LRIG1: variants seen among roughly 807,000 people sequenced by gnomAD.
LRIG1 encodes leucine rich repeats and immunoglobulin like domains 1, also known as leucine-rich repeats and immunoglobulin-like domains protein 1.
Under a neutral mutation model 99.2 loss-of-function variants are expected in LRIG1, and 48 were observed. The ratio of observed to expected loss-of-function variants is 0.48; its 90% confidence interval spans 0.38 to 0.62. The LOEUF (loss-of-function observed/expected upper bound fraction) is 0.62, where lower values mean the gene tolerates loss of function less well. LRIG1 is among the 20% of genes least tolerant of loss of function. The pLI is 0.00. For synonymous variants in LRIG1, 772 were observed against 596.1 expected (o/e 1.29, Z -4.30); for missense variants, 1,646 against 1,434.4 (o/e 1.15, Z -2.38).
rs1020498082 is a variant in LRIG1, at chr3:66,401,771, G to A, written c.1161-2730C>T. 1.3e-5 allele frequency: 11 copies of A among 828,052 alleles called. No homozygotes were observed. The African/African-American group carries it at 1.9e-4, about 14-fold the overall frequency. 51.3% of individuals were successfully genotyped at this position (828,052 alleles called of 1,614,324 possible). ...GGGCTCCCTTTCAGAAGGAACACCT[G>A]GCCTGACCTCCCCAGCACCAACCTG... On this transcript the variant is annotated intron_variant, in intron 9 of 18. Coordinates refer to ENST00000273261, the MANE Select transcript of LRIG1 (RefSeq NM_015541.3).
In LRIG1 at chr3:66,394,179, C is replaced by A; in HGVS notation, c.1329G>T (p.Leu443=). Residue 443 remains leucine (L), a synonymous_variant, in exon 12 of 19, where the codon CTG becomes CTT. Coordinates refer to ENST00000273261, the MANE Select transcript of LRIG1 (RefSeq NM_015541.3). The stretch of plus-strand genomic sequence containing the variant: ...GCAGCCACTTCAGCTGGCAGTCACA[C>A]AGGAAGCTGTCGCTGCTGATATGGC... ...KELHISSDSF[L]CDCQLKWLPP... is the part of the protein sequence containing the mutation. 6.2e-7 allele frequency: 1 copy of A among 1,604,446 alleles called. No homozygotes were observed. The highest frequency in any genetic ancestry group is 8.5e-7 in the Non-Finnish European group (1 of 1,175,902).
chr3:66,476,428 C>G (rs565698505), intron 1 of LRIG1, among the ~76,000 whole-genome samples: 3 of 152,214 alleles, frequency 2.0e-5, no homozygotes, highest in South Asian at 2.1e-4. Context: ...AGGTAAAAGT[C>G]AAAAGAAATA....
chr3:66,463,433 A>G (rs1438666840), intron 1 of LRIG1, among the ~76,000 whole-genome samples: 1 of 152,202 alleles, frequency 6.6e-6, no homozygotes, highest in African/African-American at 2.4e-5. Flanking sequence ...GTCTGTGTCA[A>G]TGGTTCAGAA....
intron 14 of LRIG1, 34 bp downstream of exon 14, chr3:66,383,957 C>CAA (rs1553711098): frequency 1.9e-6 from 3 of 1,599,844 alleles, no homozygotes; most frequent in Non-Finnish European, 2.6e-6. Context: ...CTCACACACA[C>CAA]ACACACACAC....
chr3:66,463,214 A>G (rs1358824967), intron 1 of LRIG1, among the ~76,000 whole-genome samples: 2 of 152,210 alleles, frequency 1.3e-5, no homozygotes, highest in East Asian at 1.9e-4. Flanking sequence ...AAATTGCACA[A>G]ATAGTCAAAG....
chr3:66,420,706 T>C (rs542503295), intron 3 of LRIG1, among the ~76,000 whole-genome samples: 1 of 152,358 alleles, frequency 6.6e-6, no homozygotes, highest in South Asian at 2.1e-4. Context: ...AAATGCTGTA[T>C]GGTCCACTTA....
chr3:66,428,420 A>T (rs189371230), intron 3 of LRIG1, among the ~76,000 whole-genome samples: 1 of 152,204 alleles, frequency 6.6e-6, no homozygotes, highest in East Asian at 1.9e-4. Context: ...AGCTCAATCT[A>T]ATCTTCTTCA....
chr3:66,397,166 G>A (rs1250916610), intron 11 of LRIG1, among the ~76,000 whole-genome samples: 1 of 152,184 alleles, frequency 6.6e-6, no homozygotes, highest in African/African-American at 2.4e-5. Flanking sequence ...CAGGGCAAGT[G>A]CCCAGGCCAC....
Position 66,378,951 on chromosome 3 carries a change from TCAGAAGCAG to T in LRIG1, c.*1303_*1311del, listed in dbSNP as rs1238241131. The T allele has an allele frequency of 6.6e-6, 1 of 152,654 alleles. No individual in the cohort carries two copies. Among genetic ancestry groups the T allele is most frequent in the African/African-American group, 2.4e-5 (1 of 41,454 alleles). The allele number at this position is 152,654 out of a possible 1,614,324, so 9.5% of individuals were successfully genotyped here. On this transcript the variant is annotated 3_prime_UTR_variant, in exon 19 of 19. Coordinates refer to ENST00000273261, the MANE Select transcript of LRIG1 (RefSeq NM_015541.3). ...AATACTCCCTCTTTCACATTGCCTC[TCAGAAGCAG>T]CAAATTCACATATTTTGTGGAAGTA... is the stretch of plus-strand genomic sequence containing the variant.
chr3:66,466,432 T>C (rs895925990), intron 1 of LRIG1, among the ~76,000 whole-genome samples: 3 of 152,218 alleles, frequency 2.0e-5, no homozygotes, highest in Admixed American at 6.5e-5. Flanking sequence ...GACATTTGGG[T>C]TGTTCCTCCT....
intron 2 of LRIG1, among the ~76,000 whole-genome samples, chr3:66,454,352 T>A (rs112465802): frequency 6.0e-4 from 92 of 152,238 alleles, no homozygotes; most frequent in African/African-American, 1.9e-3. Flanking sequence ...TAGAGACTGG[T>A]CAAAAATAGC....
intron 1 of LRIG1, among the ~76,000 whole-genome samples, chr3:66,470,817 C>G (rs978410589): frequency 6.6e-6 from 1 of 152,196 alleles, no homozygotes; most frequent in Non-Finnish European, 1.5e-5. Flanking sequence ...ATTCTAGGAT[C>G]TTTCCTACCA....
At chr3:66,433,551 G>A (rs1417409429) in intron 3 of LRIG1, among the ~76,000 whole-genome samples, 1 of 152,240 alleles carries the variant, frequency 6.6e-6, no homozygotes, top group Non-Finnish European at 1.5e-5. Context: ...CCTCTGGGGA[G>A]GGATACCACT....
chr3:66,415,757 G>A (rs1702599523), intron 4 of LRIG1, among the ~76,000 whole-genome samples: 1 of 152,168 alleles, frequency 6.6e-6, no homozygotes, highest in Non-Finnish European at 1.5e-5. Context: ...TCAGATCTGT[G>A]CATCTTGCTG....
chr3:66,415,076 A>G lies in LRIG1; in HGVS notation c.504-13T>C, dbSNP rs376888026. 7.6e-6 allele frequency: 12 copies of G among 1,585,858 alleles called. No homozygotes were observed. The African/African-American group carries it at 1.6e-4, about 22-fold the overall frequency. ...GCCTGCCAGGTTGCTGGAATGATTC[A>G]GAAAAGAAAATGTGGTGGTTGGTCA... On this transcript the variant is annotated splice_polypyrimidine_tract_variant and intron_variant, in intron 4 of 18. Transcript: ENST00000273261.
intron 3 of LRIG1, among the ~76,000 whole-genome samples, chr3:66,427,822 T>C (rs936780981): frequency 1.3e-5 from 2 of 152,136 alleles, no homozygotes; most frequent in African/African-American, 4.8e-5. Flanking sequence ...AAAGGAAACC[T>C]CTAATTTCTA....
intron 9 of LRIG1, chr3:66,404,324 A>T (rs1702183821): frequency 7.8e-7 from 1 of 1,288,660 alleles, no homozygotes; most frequent in Non-Finnish European, 1.0e-6. Context: ...GTCACTGGGG[A>T]CGGGCTGGGG....
Position 66,383,362 on chromosome 3 carries a change from A to G in LRIG1, c.2111T>C (p.Val704Ala). The change falls in exon 15 of 19, where the codon GTA (valine) becomes GCA (alanine). Residue 704 changes from valine to alanine, a missense_variant. Coordinates refer to ENST00000273261, the MANE Select transcript of LRIG1 (RefSeq NM_015541.3). Reference sequence around the variant, plus strand: ...GAGGGCCACTGTTTCTCCCACAGATACCACACGGTCTTCCAAGGGGACCAC... The same window carrying G: ...GAGGGCCACTGTTTCTCCCACAGATGCCACACGGTCTTCCAAGGGGACCAC... ...SLVVPLEDRV[V>A]SVGETVALQC... The G allele has an allele frequency of 6.3e-7, 1 of 1,579,436 alleles. No homozygotes were observed.
chr3:66,425,097 C>G (rs1303911722), intron 3 of LRIG1, among the ~76,000 whole-genome samples: 1 of 152,214 alleles, frequency 6.6e-6, no homozygotes, highest in African/African-American at 2.4e-5. Flanking sequence ...AATTGAGGCT[C>G]AGAAGTCTGC....
Sources: gnomAD v4.1 joint callset for allele counts (sites outside exome capture counted in the v4.1 genomes callset) on GRCh38, gnomAD v4.1.1 for gene constraint, MANE v1.5 for transcripts, NCBI Gene and HGNC (gene_info 2026-07-23, HGNC 2026-07-21) for gene names.